Variants in TRIM33 observed in about 807,000 individuals in gnomAD.
The protein encoded by TRIM33 is tripartite motif containing 33, also known as E3 ubiquitin-protein ligase TRIM33.
Under a neutral mutation model 125.4 loss-of-function variants are expected in TRIM33, and 20 were observed. The observed-to-expected ratio is 0.16, with a 90% CI of 0.11 to 0.23. The LOEUF is 0.23. TRIM33 is among the 10% of genes least tolerant of loss of function. The pLI is 1.00. For missense variants in TRIM33, 920 were observed against 1,411.4 expected (o/e 0.65, Z 5.58); for synonymous variants, 564 against 513.9 (o/e 1.10, Z -1.32).
chr1:114,509,689 ATTTCC>A (rs1267792136), intron 1 of TRIM33, among the ~76,000 whole-genome samples: 2 of 152,038 alleles, frequency 1.3e-5, no homozygotes, highest in South Asian at 2.1e-4. Context: ...CTGTTCATGG[ATTTCC>A]TTTCCTGTGA....
At chr1:114,409,413 G>C (rs1652443426) in intron 12 of TRIM33, among the ~76,000 whole-genome samples, 3 of 152,102 alleles carry the variant, frequency 2.0e-5, no homozygotes, top group Admixed American at 2.0e-4. Context: ...ATTACAGTTT[G>C]AAAATTAACC....
chr1:114,505,175 A>G (rs1049836094), intron 1 of TRIM33, among the ~76,000 whole-genome samples: 1 of 152,242 alleles, frequency 6.6e-6, no homozygotes, highest in Non-Finnish European at 1.5e-5. Context: ...GAATTCAGGT[A>G]GTTTGACCAC....
At chr1:114,474,995 TAA>T (rs1277806246) in intron 1 of TRIM33, among the ~76,000 whole-genome samples, 1 of 151,754 alleles carries the variant, frequency 6.6e-6, no homozygotes, top group African/African-American at 2.4e-5. Context: ...TGTATAATAA[TAA>T]AGATATCCAT....
At chr1:114,437,390 G>A (rs947225545) in intron 4 of TRIM33, among the ~76,000 whole-genome samples, 78 of 152,168 alleles carry the variant, frequency 5.1e-4, no homozygotes, top group Admixed American at 3.7e-3. Flanking sequence ...CCAGGCTGGA[G>A]TACAGTGGCA....
intron 1 of TRIM33, among the ~76,000 whole-genome samples, chr1:114,464,681 T>C (rs896686664): frequency 1.3e-5 from 2 of 152,206 alleles, no homozygotes; most frequent in East Asian, 3.8e-4. Context: ...AAACTATGAA[T>C]ATTAATTTAC....
At chr1:114,509,716 C>G (rs1653221801) in intron 1 of TRIM33, among the ~76,000 whole-genome samples, 1 of 152,206 alleles carries the variant, frequency 6.6e-6, no homozygotes, top group Admixed American at 6.5e-5. Flanking sequence ...ATTTCCCTGA[C>G]CTTTCCTCTA....
rs558905603 is a variant in TRIM33 at position 114,472,153 on chromosome 1, T to C, written c.527-7765A>G. 2.6e-5 allele frequency among the ~76,000 whole-genome samples: 4 copies of C among 152,304 alleles called. No individual in the cohort carries two copies. In the South Asian group the frequency reaches 8.3e-4, roughly 32 times the overall value. ...AATAAAATTTTTAAACTTAGAAACA[T>C]AAATATTTTGTTTTCCTATGTCCAC... On this transcript the variant is annotated intron_variant, in intron 1 of 19. Coordinates refer to ENST00000358465, the MANE Select transcript of TRIM33 (RefSeq NM_015906.4).
At chr1:114,480,873 GA>G (rs1160783320) in intron 1 of TRIM33, among the ~76,000 whole-genome samples, 1 of 152,134 alleles carries the variant, frequency 6.6e-6, no homozygotes, top group Non-Finnish European at 1.5e-5. Context: ...AAAGTAAAAG[GA>G]GAGGAGAAGA....
intron 10 of TRIM33, among the ~76,000 whole-genome samples, chr1:114,422,568 G>A (rs1477584040): frequency 3.3e-5 from 5 of 151,544 alleles, no homozygotes; most frequent in Admixed American, 2.6e-4. Flanking sequence ...TTTCGCAACT[G>A]CCCTTCCTCC....
At chr1:114,481,749 A>G (rs1651374547) in intron 1 of TRIM33, among the ~76,000 whole-genome samples, 2 of 151,578 alleles carry the variant, frequency 1.3e-5, no homozygotes, top group South Asian at 4.2e-4. Context: ...TACAGCTGAA[A>G]GAGTGCTTAA....
At chr1:114,462,933 A>C (rs1650080771) in intron 4 of TRIM33, among the ~76,000 whole-genome samples, 171 bp downstream of exon 4, 1 of 152,232 alleles carries the variant, frequency 6.6e-6, no homozygotes, top group Admixed American at 6.5e-5. Context: ...TAAATGTGGA[A>C]ATCTTTAAAT....
At chr1:114,470,727 T>C (rs1221511671) in intron 1 of TRIM33, among the ~76,000 whole-genome samples, 2 of 152,220 alleles carry the variant, frequency 1.3e-5, no homozygotes, top group African/African-American at 2.4e-5. Flanking sequence ...TGAGAAGGCA[T>C]ATCAAAAGCC....
At chr1:114,463,623 ACTTGTTCTTC>A in intron 2 of TRIM33, 67 bp from the exon 3 acceptor site, 2 of 935,996 alleles carry the variant, frequency 2.1e-6, no homozygotes, top group Non-Finnish European at 3.3e-6. Context: ...AAAAAAAAAA[ACTTGTTCTTC>A]AATATACTAT....
Position 114,394,370 on chromosome 1 carries a change from C to T in TRIM33, c.*3278G>A, listed in dbSNP as rs1651431658. The T allele has an allele frequency of 8.9e-6, 2 of 224,568 alleles. No individual in the cohort carries two copies. The highest frequency in any genetic ancestry group is 2.2e-5 in the African/African-American group (1 of 44,836). The allele number at this position is 224,568 out of a possible 1,614,324, so 13.9% of individuals were successfully genotyped here. A position where few individuals can be genotyped will look rare whatever the true frequency, so the allele number is the denominator to read the frequency against. On this transcript the variant is annotated 3_prime_UTR_variant, in exon 20 of 20. Transcript: ENST00000358465. ...CCATTTAATAACATACAGTAGGCCA[C>T]AATCCAAGGGCATAGTTGGAAGACC...
intron 1 of TRIM33, among the ~76,000 whole-genome samples, chr1:114,476,702 C>A (rs554654334): frequency 1.3e-5 from 2 of 152,212 alleles, no homozygotes; most frequent in East Asian, 3.9e-4. Context: ...TCAGAAAATA[C>A]TCCATGTAAC....
At chr1:114,464,723 G>C (rs2101391054) in intron 1 of TRIM33, among the ~76,000 whole-genome samples, 1 of 152,306 alleles carries the variant, frequency 6.6e-6, no homozygotes, top group Middle Eastern at 3.4e-3. Context: ...ATGCGATTAA[G>C]GCTCTGGAGA....
intron 11 of TRIM33, among the ~76,000 whole-genome samples, chr1:114,410,545 T>G (rs951633427): frequency 2.6e-5 from 4 of 152,134 alleles, no homozygotes; most frequent in African/African-American, 7.2e-5. Context: ...GCAAAACAAA[T>G]CCTATATGTT....
rs140700101 is a variant in TRIM33 at position 114,488,221 on chromosome 1, C to T, written c.526+22330G>A. Among the ~76,000 whole-genome samples, 230 of 152,106 alleles carry T rather than the reference C, an allele frequency of 1.5e-3. 2 individuals are homozygous for T. Among genetic ancestry groups the T allele is most frequent in the Non-Finnish European group, 1.4e-3 (96 of 67,988 alleles). ...TACACAAAACCACCATAAATAAAGA[C>T]GGAATCTTAAAAAGAACTTTAGGTA... On this transcript the variant is annotated intron_variant, in intron 1 of 19. Coordinates refer to ENST00000358465, the MANE Select transcript of TRIM33 (RefSeq NM_015906.4).
chr1:114,498,522 G>A (rs990576794), intron 1 of TRIM33, among the ~76,000 whole-genome samples: 6 of 152,070 alleles, frequency 3.9e-5, no homozygotes, highest in African/African-American at 1.2e-4. Flanking sequence ...GGTGGCATGC[G>A]CCTGTAGTTC....
Sources: gnomAD v4.1 joint callset for allele counts (sites outside exome capture counted in the v4.1 genomes callset) on GRCh38, gnomAD v4.1.1 for gene constraint, MANE v1.5 for transcripts, NCBI Gene and HGNC (gene_info 2026-07-23, HGNC 2026-07-21) for gene names.